ADGRD1: variants seen among roughly 807,000 people sequenced by gnomAD.
ADGRD1 encodes G-protein coupled receptor 133.
In ADGRD1, 77 loss-of-function variants were observed where a neutral mutation model predicts 113.4. The ratio of observed to expected loss-of-function variants is 0.68; its 90% confidence interval spans 0.57 to 0.82. The LOEUF (loss-of-function observed/expected upper bound fraction) is 0.82, where lower values mean the gene tolerates loss of function less well. Among genes scored for constraint, ADGRD1 ranks in the 40% least tolerant of loss-of-function variants. The pLI is 0.00. For synonymous variants in ADGRD1, 474 were observed against 475.0 expected, an observed-to-expected ratio of 1.00 and a Z score of 0.03; for missense variants, 1,036 against 1,139.1, an observed-to-expected ratio of 0.91 and a Z score of 1.30.
chr12:131,088,731 G>A (rs1416287335), intron 15 of ADGRD1, among the ~76,000 whole-genome samples: 3 of 152,174 alleles, frequency 2.0e-5, no homozygotes, highest in African/African-American at 7.2e-5. Flanking sequence ...GCGGCAGCCC[G>A]CTGGTGTGGC....
intron 13 of ADGRD1, among the ~76,000 whole-genome samples, chr12:131,062,607 G>C (rs969636733): frequency 1.3e-5 from 2 of 152,076 alleles, no homozygotes; most frequent in Non-Finnish European, 2.9e-5. Context: ...AGATCTGATG[G>C]TTTTATAAAG....
At chr12:131,117,804 G>A (rs552773573) in intron 18 of ADGRD1, among the ~76,000 whole-genome samples, 40 of 152,354 alleles carry the variant, frequency 2.6e-4, no homozygotes, top group Admixed American at 3.9e-4. Flanking sequence ...AGCCATGTCC[G>A]ATGTCCCCTC....
In ADGRD1 at chr12:130,992,250, C is replaced by G; in HGVS notation, c.824C>G (p.Ala275Gly). ...AATTTCTTTCAGATGCCCACAGATG[C>G]CTACCATCCCATCATAACCAACCTG... ...STASPVMPTD[A>G]YHPIITNLTE... The change falls in exon 8 of 25, where the codon GCC (alanine) becomes GGC (glycine). Residue 275 changes from alanine (A) to glycine (G), a missense_variant. Coordinates refer to ENST00000261654, the MANE Select transcript of ADGRD1 (RefSeq NM_198827.5). The G allele has an allele frequency of 6.2e-7, 1 of 1,610,864 alleles. No individual in the cohort carries two copies. The highest frequency in any genetic ancestry group is 8.5e-7 in the Non-Finnish European group (1 of 1,179,142).
chr12:130,959,000 C>T (rs1163216598), intron 2 of ADGRD1, among the ~76,000 whole-genome samples: 2 of 152,132 alleles, frequency 1.3e-5, no homozygotes, highest in South Asian at 2.1e-4. Flanking sequence ...AAGCTCACAG[C>T]GTGAGGGGAA....
intron 13 of ADGRD1, among the ~76,000 whole-genome samples, chr12:131,018,453 G>A (rs1442266882): frequency 6.6e-6 from 1 of 152,042 alleles, no homozygotes; most frequent in Admixed American, 6.6e-5. Flanking sequence ...GTTTCCCACC[G>A]AGAGGGTCCA....
intron 20 of ADGRD1, among the ~76,000 whole-genome samples, chr12:131,125,136 G>C (rs1191820918): frequency 6.6e-6 from 1 of 152,190 alleles, no homozygotes; most frequent in Non-Finnish European, 1.5e-5. Flanking sequence ...GCTCACCCTA[G>C]TGACCTCGTT....
At chr12:130,958,756 C>T (rs375921593) in intron 2 of ADGRD1, among the ~76,000 whole-genome samples, 3 of 146,858 alleles carry the variant, frequency 2.0e-5, no homozygotes, top group Non-Finnish European at 1.5e-5. Flanking sequence ...CTGTTTCCAT[C>T]GCAAGAGAAC....
intron 5 of ADGRD1, among the ~76,000 whole-genome samples, chr12:130,983,597 A>G (rs560130486): frequency 6.6e-6 from 1 of 152,330 alleles, no homozygotes; most frequent in South Asian, 2.1e-4. Context: ...GGCGAGAATT[A>G]GAAACACTTC....
At chr12:131,012,742 A>G (rs1878087349) in intron 12 of ADGRD1, among the ~76,000 whole-genome samples, 1 of 152,158 alleles carries the variant, frequency 6.6e-6, no homozygotes. Context: ...TGGTGCCCCC[A>G]GCTCCCAGAG....
At chr12:130,996,552 C>T (rs527663470) in intron 8 of ADGRD1, among the ~76,000 whole-genome samples, 2,147 of 129,210 alleles carry the variant, frequency 0.017, 58 homozygotes, top group African/African-American at 0.044. Flanking sequence ...ACCTCCCTCC[C>T]GGACGGGGCG....
Position 130,966,590 on chromosome 12 carries a change from C to T in ADGRD1, c.187+44C>T. The T allele has an allele frequency of 8.3e-7, 1 of 1,210,438 alleles. No individual in the cohort carries two copies. The highest frequency in any genetic ancestry group is 1.2e-6 in the Non-Finnish European group (1 of 811,894). 75.0% of individuals were successfully genotyped at this position (1,210,438 alleles called of 1,614,324 possible). A position where few individuals can be genotyped will look rare whatever the true frequency, so the allele number is the denominator to read the frequency against. On this transcript the variant is annotated intron_variant, in intron 3 of 24. Transcript: ENST00000261654. This position sits in a 1 kb window ranked among gnomAD's most constrained non-coding sequence, Gnocchi z 4.6. ...AGAGCGGCTGTGGGCGCGGGAATCC[C>T]AGGGCCATCAGGAGGCGTGGGTGCT...
chr12:131,009,672 CATGT>C (rs1303202556), intron 12 of ADGRD1, among the ~76,000 whole-genome samples: 3 of 151,928 alleles, frequency 2.0e-5, no homozygotes, highest in African/African-American at 7.3e-5. Flanking sequence ...CACACAGGTG[CATGT>C]ATGTGCTTGT....
chr12:131,002,447 T>A, intron 9 of ADGRD1: 13 of 878,262 alleles, frequency 1.5e-5, no homozygotes, highest in Non-Finnish European at 1.6e-5. Context: ...TCTTCTGAAG[T>A]GCGTGTTTGT....
At chr12:131,059,283 C>T (rs942864542) in intron 13 of ADGRD1, among the ~76,000 whole-genome samples, 14 of 152,312 alleles carry the variant, frequency 9.2e-5, no homozygotes, top group South Asian at 4.2e-4. Context: ...AAGTGATTCT[C>T]GTGCCTCAGC....
At chr12:131,094,903 C>T (rs1887172233) in intron 15 of ADGRD1, among the ~76,000 whole-genome samples, 1 of 152,182 alleles carries the variant, frequency 6.6e-6, no homozygotes, top group Non-Finnish European at 1.5e-5. Flanking sequence ...GAGCTGGGAG[C>T]TCACCCGGGG....
intron 13 of ADGRD1, chr12:131,024,345 G>A (rs1879696897): frequency 6.6e-6 from 1 of 152,286 alleles, no homozygotes; most frequent in South Asian, 2.1e-4. Flanking sequence ...GCAGAGGGGA[G>A]GTCGAGCGTG....
At chr12:131,000,515 G>A (rs771597537) in intron 9 of ADGRD1, 73 bp downstream of exon 9, 8 of 1,191,748 alleles carry the variant, frequency 6.7e-6, no homozygotes, top group Non-Finnish European at 7.5e-6. Flanking sequence ...GCCAAGGCGG[G>A]TGGATCACTT....
chr12:130,969,683 A>G (rs1318686914), intron 3 of ADGRD1: 1 of 152,370 alleles, frequency 6.6e-6, no homozygotes, highest in Non-Finnish European at 1.5e-5. Flanking sequence ...ACAGAAATAA[A>G]GTGCACAATA....
At position 131,079,549 on chromosome 12, in the gene ADGRD1, G is replaced by T. The variant is rs570284537; in HGVS notation, c.1547+2675G>T. 3.3e-4 allele frequency among the ~76,000 whole-genome samples: 50 copies of T among 152,230 alleles called. No homozygotes were observed. In the South Asian group the frequency reaches 9.1e-3, roughly 28 times the overall value. On this transcript the variant is annotated intron_variant, in intron 14 of 24. Coordinates refer to ENST00000261654, the MANE Select transcript of ADGRD1 (RefSeq NM_198827.5). ...GATGCACTTTGGAATAGTCTGTATA[G>T]AATTGATATTATTTCTTCCATTTTA...
Sources: allele counts gnomAD v4.1 joint callset (sites outside exome capture counted in the v4.1 genomes callset), GRCh38; gene constraint gnomAD v4.1.1; non-coding constraint Gnocchi (gnomAD v3.1); transcripts MANE v1.5; gene names NCBI Gene and HGNC (gene_info 2026-07-23, HGNC 2026-07-21).